Variants in OLA1 observed in about 807,000 individuals in gnomAD.
OLA1 encodes the protein obg-like ATPase 1.
A neutral mutation model predicts 48.4 loss-of-function variants in OLA1; 14 were observed. That is an observed-to-expected ratio of 0.29 (90% CI 0.19 to 0.45). The LOEUF (loss-of-function observed/expected upper bound fraction) is 0.45. OLA1 is among the 20% of genes least tolerant of loss of function. The pLI, the probability that OLA1 is intolerant of heterozygous loss-of-function variation, is 1.00. For synonymous variants in OLA1, 127 were observed against 150.4 expected (o/e 0.84, Z 1.14); for missense variants, 325 against 467.1 (o/e 0.70, Z 2.80).
chr2:174,110,091 ATTT>A (rs199583094), intron 7 of OLA1, among the ~76,000 whole-genome samples: 29 of 110,984 alleles, frequency 2.6e-4, no homozygotes, highest in African/African-American at 7.7e-4. Flanking sequence ...TTTGCTAAGG[ATTT>A]TTTTTTTTTT....
intron 3 of OLA1, 125 bp from the exon 4 acceptor site, chr2:174,223,285 A>G: frequency 2.2e-6 from 2 of 891,300 alleles, no homozygotes; most frequent in East Asian, 2.7e-5. Context: ...TAATGATTTG[A>G]TAAATGAATA....
chr2:174,097,730 G>T lies in OLA1; in HGVS notation c.729-15666C>A, dbSNP rs1055107339. ...ACAGAGTGAGACTGTCTCAAAAAAA[G>T]AAAAAAAAAAAAAGAAAGTAAGACA... On this transcript the variant is annotated intron_variant, in intron 7 of 10. Coordinates refer to ENST00000284719, the MANE Select transcript of OLA1 (RefSeq NM_013341.5). Among the ~76,000 whole-genome samples the T allele has an allele frequency of 2.4e-5, 3 of 126,210 alleles. No homozygotes were observed. In the Admixed American group the frequency reaches 2.4e-4, roughly 10 times the overall value. The allele number at this position is 126,210 out of a possible 152,430, so 82.8% of individuals were successfully genotyped here.
intron 4 of OLA1, among the ~76,000 whole-genome samples, chr2:174,206,569 A>G (rs1258497478): frequency 2.0e-5 from 3 of 151,952 alleles, no homozygotes; most frequent in African/African-American, 7.3e-5. Flanking sequence ...CCAGAAAAAA[A>G]TACAAATGCC....
At chr2:174,193,671 T>C (rs1310222397) in intron 4 of OLA1, among the ~76,000 whole-genome samples, 1 of 152,142 alleles carries the variant, frequency 6.6e-6, no homozygotes, top group Non-Finnish European at 1.5e-5. Flanking sequence ...CCTGTAGAAA[T>C]ATCTTGTTTT....
rs146680950 is a variant in OLA1 at position 174,075,995 on chromosome 2, G to A, written c.1090-468C>T. Among the ~76,000 whole-genome samples the A allele has an allele frequency of 2.8e-3, 425 of 152,290 alleles. 2 individuals are homozygous for A. The highest frequency in any genetic ancestry group is 5.1e-3 in the Non-Finnish European group (349 of 67,998). ...ATATAGTTGGTATAAGGAAAATTAT[G>A]ATCAGTTGTTGTGTAAGATTCTGAA... is the stretch of plus-strand genomic sequence containing the variant. On this transcript the variant is annotated intron_variant, in intron 10 of 10. Coordinates refer to ENST00000284719, the MANE Select transcript of OLA1 (RefSeq NM_013341.5).
intron 7 of OLA1, among the ~76,000 whole-genome samples, chr2:174,096,051 A>G (rs1039627049): frequency 6.6e-6 from 1 of 152,242 alleles, no homozygotes; most frequent in Non-Finnish European, 1.5e-5. Context: ...GATGATTATA[A>G]TTAAGAAGAC....
At chr2:174,125,489 T>C (rs1686027327) in intron 5 of OLA1, among the ~76,000 whole-genome samples, 1 of 152,178 alleles carries the variant, frequency 6.6e-6, no homozygotes, top group Non-Finnish European at 1.5e-5. Context: ...TTTGGTTCCA[T>C]TAGTTTTTTC....
At chr2:174,159,358 A>C (rs1431609974) in intron 4 of OLA1, among the ~76,000 whole-genome samples, 2 of 152,210 alleles carry the variant, frequency 1.3e-5, no homozygotes, top group African/African-American at 4.8e-5. Flanking sequence ...TTTCTTTAAA[A>C]TAAGGATATT....
At chr2:174,148,109 G>A (rs1415676907) in intron 4 of OLA1, among the ~76,000 whole-genome samples, 7 of 152,182 alleles carry the variant, frequency 4.6e-5, no homozygotes, top group Non-Finnish European at 7.3e-5. Context: ...AAAATAGGCC[G>A]GGCGTGGTGG....
chr2:174,137,983 G>C (rs1373438737), intron 5 of OLA1, among the ~76,000 whole-genome samples: 1 of 152,190 alleles, frequency 6.6e-6, no homozygotes, highest in Non-Finnish European at 1.5e-5. Context: ...GCAACACAGT[G>C]AGACACCATG....
At chr2:174,085,397 T>C (rs533174225) in intron 7 of OLA1, among the ~76,000 whole-genome samples, 2 of 152,254 alleles carry the variant, frequency 1.3e-5, no homozygotes, top group Admixed American at 6.5e-5. Flanking sequence ...CAAACCCTAT[T>C]GTGAATTGCA....
chr2:174,086,122 G>A (rs148034059), intron 7 of OLA1, among the ~76,000 whole-genome samples: 1 of 152,132 alleles, frequency 6.6e-6, no homozygotes, highest in Non-Finnish European at 1.5e-5. Flanking sequence ...CTGGGATCCA[G>A]GGAAGTTTTA....
At chr2:174,111,962 G>C (rs1179146758) in intron 7 of OLA1, among the ~76,000 whole-genome samples, 1 of 152,126 alleles carries the variant, frequency 6.6e-6, no homozygotes, top group Non-Finnish European at 1.5e-5. Context: ...TTTTTAGAGA[G>C]AAGTCCATAC....
chr2:174,094,127 T>C (rs1685189776), intron 7 of OLA1, among the ~76,000 whole-genome samples: 1 of 152,132 alleles, frequency 6.6e-6, no homozygotes. Context: ...GAAGAAACAC[T>C]ACCTTAAAGA....
At chr2:174,247,645 ATT>A (rs1367621970) in intron 1 of OLA1, 10 of 1,550,402 alleles carry the variant, frequency 6.4e-6, no homozygotes, top group Non-Finnish European at 8.7e-6. Flanking sequence ...CACAACCCCC[ATT>A]TTTCACATAG....
At chr2:174,157,776 T>G (rs1192681751) in intron 4 of OLA1, among the ~76,000 whole-genome samples, 1 of 152,126 alleles carries the variant, frequency 6.6e-6, no homozygotes, top group Non-Finnish European at 1.5e-5. Context: ...AGTGTTATAA[T>G]AGGAAGATGA....
chr2:174,180,528 G>C (rs1371208820), intron 4 of OLA1, among the ~76,000 whole-genome samples: 6 of 152,148 alleles, frequency 3.9e-5, no homozygotes, highest in Non-Finnish European at 8.8e-5. Flanking sequence ...AGCACCTCTA[G>C]CAAATGTGTT....
At chr2:174,129,089 T>C (rs977764125) in intron 5 of OLA1, among the ~76,000 whole-genome samples, 1 of 152,110 alleles carries the variant, frequency 6.6e-6, no homozygotes, top group African/African-American at 2.4e-5. Flanking sequence ...AATATGGTGA[T>C]TGTGAAAATA....
chr2:174,169,488 GA>G (rs1408324329), intron 4 of OLA1, among the ~76,000 whole-genome samples: 1 of 152,150 alleles, frequency 6.6e-6, no homozygotes, highest in African/African-American at 2.4e-5. Context: ...ATTAAGGACA[GA>G]AGAGAGTGCA....
Sources: allele counts gnomAD v4.1 joint callset (sites outside exome capture counted in the v4.1 genomes callset), GRCh38; gene constraint gnomAD v4.1.1; transcripts MANE v1.5; gene names NCBI Gene and HGNC (gene_info 2026-07-23, HGNC 2026-07-21).